The following EPHX1 variants were observed in gnomAD, a reference collection of about 807,000 sequenced individuals.
EPHX1 encodes epoxide hydratase.
Under a neutral mutation model 43.2 loss-of-function variants are expected in EPHX1, and 40 were observed. The observed-to-expected ratio is 0.93, with a 90% confidence interval of 0.72 to 1.21. The LOEUF (loss-of-function observed/expected upper bound fraction) is 1.21. Among genes scored for constraint, EPHX1 ranks in the 50% most tolerant of loss-of-function variants. EPHX1 has a pLI of 0.00. For missense variants in EPHX1, 550 were observed against 570.4 expected (o/e 0.96, Z 0.36); for synonymous variants, 221 against 226.7 (o/e 0.98, Z 0.22).
chr1:225,844,056 A>G (rs547005718), intron 7 of EPHX1, among the ~76,000 whole-genome samples: 1 of 152,274 alleles, frequency 6.6e-6, no homozygotes, highest in South Asian at 2.1e-4. Flanking sequence ...TCTCCACTTA[A>G]TAAGTAAAAT....
intron 1 of EPHX1, among the ~76,000 whole-genome samples, chr1:225,826,380 C>G (rs1667233867): frequency 6.9e-6 from 1 of 144,700 alleles, no homozygotes; most frequent in South Asian, 2.2e-4. Flanking sequence ...ACGAGAATCT[C>G]TTGAACCCAG....
At chr1:225,831,693 T>G (rs1576009177) in intron 2 of EPHX1, 86 bp from the exon 3 acceptor site, 51 of 1,376,482 alleles carry the variant, frequency 3.7e-5, no homozygotes, top group Non-Finnish European at 2.1e-6. Context: ...GGCTGCAGGG[T>G]TTGCTGTGTT....
chr1:225,835,272 G>A (rs1048675255), intron 3 of EPHX1, among the ~76,000 whole-genome samples: 4 of 152,030 alleles, frequency 2.6e-5, no homozygotes, highest in Non-Finnish European at 4.4e-5. Context: ...AGGCTGGAGT[G>A]CAGTGGTGTG....
intron 1 of EPHX1, among the ~76,000 whole-genome samples, chr1:225,819,229 A>G (rs1422512981): frequency 1.5e-5 from 1 of 68,244 alleles, no homozygotes; most frequent in Non-Finnish European, 3.0e-5. Context: ...TCCGTCTCAA[A>G]AAAAAAAAAA....
intron 2 of EPHX1, among the ~76,000 whole-genome samples, chr1:225,830,030 A>G (rs1192647365): frequency 6.6e-6 from 1 of 152,168 alleles, no homozygotes; most frequent in Non-Finnish European, 1.5e-5. Flanking sequence ...GTGAGCCAAG[A>G]TCACACCACT....
Position 225,839,965 on chromosome 1 carries a change from G to C in EPHX1, c.859G>C (p.Glu287Gln). 6.2e-7 allele frequency: 1 copy of C among 1,614,178 alleles called. No homozygotes were observed. The highest frequency in any genetic ancestry group is 8.5e-7 in the Non-Finnish European group (1 of 1,179,984). Residue 287 changes from glutamate (E) to glutamine (Q), a missense_variant, in exon 6 of 9, where the codon GAG (glutamate) becomes CAG (glutamine). Coordinates refer to ENST00000272167, the MANE Select transcript of EPHX1 (RefSeq NM_001136018.4). ...TGTGGAGCTGCTGTACCCCGTCAAG[G>C]AGAAGGTATTCTACAGCCTGATGAG... The part of the protein sequence containing the change: ...RDVELLYPVK[E>Q]KVFYSLMRES...
chr1:225,835,212 TC>T (rs1667882925), intron 3 of EPHX1, among the ~76,000 whole-genome samples: 1 of 152,120 alleles, frequency 6.6e-6, no homozygotes, highest in East Asian at 1.9e-4. Context: ...CTTTCAGGGT[TC>T]TTCATGAGAC....
intron 1 of EPHX1, among the ~76,000 whole-genome samples, chr1:225,822,243 A>C (rs1246586659): frequency 5.3e-5 from 8 of 152,170 alleles, no homozygotes; most frequent in Non-Finnish European, 1.2e-4. Context: ...TTTTAAAAAA[A>C]ATCATGCTGG....
chr1:225,839,484 T>C (rs1174908811), intron 5 of EPHX1, 138 bp downstream of exon 5: 11 of 1,488,808 alleles, frequency 7.4e-6, no homozygotes, highest in Non-Finnish European at 9.9e-6. Flanking sequence ...CACTCAGCAG[T>C]GCCTGAGGCA....
At chr1:225,830,855 A>G (rs1667546737) in intron 2 of EPHX1, among the ~76,000 whole-genome samples, 1 of 152,230 alleles carries the variant, frequency 6.6e-6, no homozygotes, top group Non-Finnish European at 1.5e-5. Context: ...GACCAAATGT[A>G]GCCTGCTACC....
intron 1 of EPHX1, among the ~76,000 whole-genome samples, chr1:225,826,885 CTA>C (rs1240125926): frequency 2.0e-5 from 3 of 151,960 alleles, no homozygotes; most frequent in African/African-American, 4.8e-5. Flanking sequence ...GGAGATGACT[CTA>C]GGGCCTGAGG....
In EPHX1 at chr1:225,839,987, T is replaced by C; in HGVS notation, c.881T>C (p.Met294Thr). The C allele has an allele frequency of 6.2e-7, 1 of 1,614,190 alleles. No individual in the cohort carries two copies. Among genetic ancestry groups the C allele is most frequent in the Non-Finnish European group, 8.5e-7 (1 of 1,180,026 alleles). ...AAGGAGAAGGTATTCTACAGCCTGA[T>C]GAGGGAGAGCGGCTACATGCACATC... The part of the protein sequence containing the change: ...PVKEKVFYSL[M>T]RESGYMHIQC... The change falls in exon 6 of 9, where the codon ATG becomes ACG. Residue 294 changes from methionine to threonine, a missense_variant. Transcript: ENST00000272167.
intron 6 of EPHX1, among the ~76,000 whole-genome samples, chr1:225,841,377 G>A (rs1054442557): frequency 2.6e-5 from 4 of 152,050 alleles, no homozygotes; most frequent in Non-Finnish European, 4.4e-5. Flanking sequence ...CCGCCTCCCA[G>A]GTTCAAGCAA....
chr1:225,834,589 T>A (rs372265546), intron 3 of EPHX1, among the ~76,000 whole-genome samples: 50 of 121,134 alleles, frequency 4.1e-4, no homozygotes, highest in South Asian at 1.2e-3. Context: ...CCAAGAACAC[T>A]AAAAAAAAAA....
At chr1:225,835,715 T>A (rs1390427841) in intron 3 of EPHX1, among the ~76,000 whole-genome samples, 1 of 151,354 alleles carries the variant, frequency 6.6e-6, no homozygotes, top group African/African-American at 2.4e-5. Context: ...TTTTTTTTTT[T>A]TTTTACATTT....
At chr1:225,844,412 C>T in intron 7 of EPHX1, 86 bp from the exon 8 acceptor site, 1 of 1,607,056 alleles carries the variant, frequency 6.2e-7, no homozygotes, top group Non-Finnish European at 8.5e-7. Context: ...TGGGCAGGGC[C>T]TGGCATTTGT....
intron 1 of EPHX1, chr1:225,825,511 CG>C (rs1408401930): frequency 6.6e-6 from 1 of 152,198 alleles, no homozygotes; most frequent in Admixed American, 6.5e-5. Flanking sequence ...TAGAGGGAAG[CG>C]ACAGCAGTGC....
chr1:225,838,989 G>A (rs886137882), intron 4 of EPHX1, 108 bp downstream of exon 4: 1 of 1,427,776 alleles, frequency 7.0e-7, no homozygotes, highest in Admixed American at 1.8e-5. Flanking sequence ...TTGGCCCGAG[G>A]AAGCTGGGAA....
At position 225,834,501 on chromosome 1, in the gene EPHX1, G is replaced by A. The variant is rs184655521; in HGVS notation, c.364+2542G>A. 3.6e-4 allele frequency among the ~76,000 whole-genome samples: 54 copies of A among 151,488 alleles called. No individual in the cohort carries two copies. In the East Asian group the frequency reaches 0.01, roughly 29 times the overall value. ...TCTGATGCAAGCAGGCCAGGCCTGT[G>A]GGAGAATGAGCCAGAGAAAAGCTAA... On this transcript the variant is annotated intron_variant, in intron 3 of 8. Coordinates refer to ENST00000272167, the MANE Select transcript of EPHX1 (RefSeq NM_001136018.4).
Sources: gnomAD v4.1 joint callset for allele counts (sites outside exome capture counted in the v4.1 genomes callset) on GRCh38, gnomAD v4.1.1 for gene constraint, MANE v1.5 for transcripts, NCBI Gene and HGNC (gene_info 2026-07-23, HGNC 2026-07-21) for gene names.